The following PLXDC2 variants were observed in gnomAD, a reference collection of about 807,000 sequenced individuals.
PLXDC2 encodes the protein plexin domain containing 2, also known as plexin domain-containing protein 2.
In PLXDC2, 40 loss-of-function variants were observed where a neutral mutation model predicts 68.9. That is an observed-to-expected ratio of 0.58 (90% CI 0.45 to 0.76). The LOEUF (loss-of-function observed/expected upper bound fraction) is 0.76, where lower values mean the gene tolerates loss of function less well. Among genes scored for constraint, PLXDC2 ranks in the 30% least tolerant of loss-of-function variants. PLXDC2 has a pLI of 0.00. For synonymous variants in PLXDC2, 243 were observed against 234.2 expected (o/e 1.04, Z -0.34); for missense variants, 644 against 661.9 (o/e 0.97, Z 0.30).
chr10:19,833,229 C>T (rs114141005), intron 1 of PLXDC2, among the ~76,000 whole-genome samples: 170 of 152,300 alleles, frequency 1.1e-3, no homozygotes, highest in African/African-American at 3.8e-3. Flanking sequence ...ATATCACCTT[C>T]GGTCTAATGA....
chr10:20,227,625 A>T (rs1835303438), intron 12 of PLXDC2, among the ~76,000 whole-genome samples: 1 of 152,144 alleles, frequency 6.6e-6, no homozygotes, highest in African/African-American at 2.4e-5. Flanking sequence ...AAAGTATCAG[A>T]ATAAGTGGAG....
intron 4 of PLXDC2, chr10:20,071,047 T>C (rs1836307647): frequency 6.6e-6 from 1 of 152,252 alleles, no homozygotes. Context: ...AGACACTCCT[T>C]TTGTTTCTCT....
At chr10:19,985,459 T>C (rs1280482708) in intron 1 of PLXDC2, among the ~76,000 whole-genome samples, 1 of 152,216 alleles carries the variant, frequency 6.6e-6, no homozygotes, top group Non-Finnish European at 1.5e-5. Context: ...TTATTTCCAC[T>C]TAGAGAAGTT....
intron 1 of PLXDC2, among the ~76,000 whole-genome samples, chr10:19,977,743 G>C (rs1156785232): frequency 6.6e-6 from 1 of 152,018 alleles, no homozygotes; most frequent in Non-Finnish European, 1.5e-5. Context: ...GGCAGAGGGG[G>C]TGGGGTGGGG....
At chr10:20,122,599 T>A (rs1479730865) in intron 4 of PLXDC2, among the ~76,000 whole-genome samples, 1 of 152,218 alleles carries the variant, frequency 6.6e-6, no homozygotes, top group Non-Finnish European at 1.5e-5. Context: ...CTTGGCCTTG[T>A]GGCCAGATTT....
At chr10:19,831,996 T>G (rs188357539) in intron 1 of PLXDC2, among the ~76,000 whole-genome samples, 22 of 152,328 alleles carry the variant, frequency 1.4e-4, no homozygotes, top group African/African-American at 5.3e-4. Context: ...CATATCATAG[T>G]TTTTGTTAGT....
chr10:19,917,101 A>G (rs557423295), intron 1 of PLXDC2, among the ~76,000 whole-genome samples: 1 of 152,348 alleles, frequency 6.6e-6, no homozygotes, highest in East Asian at 1.9e-4. Flanking sequence ...CAACTCTTCT[A>G]GAAAATTGTG....
chr10:20,039,076 C>T (rs561545745), intron 2 of PLXDC2, among the ~76,000 whole-genome samples: 1 of 152,284 alleles, frequency 6.6e-6, no homozygotes, highest in African/African-American at 2.4e-5. Context: ...GGGACCAAGC[C>T]AGTGAGAACT....
intron 4 of PLXDC2, among the ~76,000 whole-genome samples, chr10:20,072,473 AGAAG>A (rs1836340059): frequency 1.4e-5 from 2 of 144,910 alleles, no homozygotes; most frequent in African/African-American, 2.6e-5. Context: ...AAAGAAAGAA[AGAAG>A]GAACAAAGAA....
At chr10:20,048,115 G>A (rs1835828960) in intron 3 of PLXDC2, among the ~76,000 whole-genome samples, 1 of 152,120 alleles carries the variant, frequency 6.6e-6, no homozygotes, top group African/African-American at 2.4e-5. Flanking sequence ...TATAAACACA[G>A]GACTAATAGA....
chr10:20,131,986 A>G (rs1833873863), intron 4 of PLXDC2, among the ~76,000 whole-genome samples: 1 of 152,104 alleles, frequency 6.6e-6, no homozygotes, highest in Non-Finnish European at 1.5e-5. Context: ...ATTTATTGCT[A>G]TAAACTTACC....
At chr10:20,188,853 T>C (rs1314957739) in intron 9 of PLXDC2, among the ~76,000 whole-genome samples, 1 of 151,778 alleles carries the variant, frequency 6.6e-6, no homozygotes, top group African/African-American at 2.4e-5. Flanking sequence ...GAGTTGATAT[T>C]AAATTATTGC....
At chr10:19,985,498 CAT>C (rs1195099821) in intron 1 of PLXDC2, among the ~76,000 whole-genome samples, 3 of 152,152 alleles carry the variant, frequency 2.0e-5, no homozygotes, top group Non-Finnish European at 2.9e-5. Context: ...TCAGGTATTT[CAT>C]ATGTCTTATT....
At chr10:20,256,749 C>A (rs1463481262) in intron 13 of PLXDC2, among the ~76,000 whole-genome samples, 1 of 151,272 alleles carries the variant, frequency 6.6e-6, no homozygotes, top group Non-Finnish European at 1.5e-5. Flanking sequence ...GGACTTGAAT[C>A]CTGAATATGT....
intron 1 of PLXDC2, among the ~76,000 whole-genome samples, chr10:19,892,989 G>A (rs1358486150): frequency 6.6e-6 from 1 of 150,446 alleles, no homozygotes; most frequent in Non-Finnish European, 1.5e-5. Flanking sequence ...ACTCAAGGCA[G>A]TTCAATTCCA....
chr10:20,262,844 C>T (rs1361217015), intron 13 of PLXDC2, among the ~76,000 whole-genome samples: 1 of 152,236 alleles, frequency 6.6e-6, no homozygotes, highest in Non-Finnish European at 1.5e-5. Context: ...TCCCATATCT[C>T]CTCACCAGGC....
chr10:20,260,196 G>A (rs1281069693), intron 13 of PLXDC2, among the ~76,000 whole-genome samples: 2 of 152,090 alleles, frequency 1.3e-5, no homozygotes, highest in Admixed American at 6.6e-5. Context: ...ATTTTTGTGT[G>A]ATACATGCAC....
chr10:20,220,456 A>G (rs945050971), intron 12 of PLXDC2, among the ~76,000 whole-genome samples: 1 of 152,248 alleles, frequency 6.6e-6, no homozygotes, highest in East Asian at 1.9e-4. Context: ...ATGTATATTT[A>G]TTAGATTTTT....
At chr10:20,074,076 G>C (rs1836391280) in intron 4 of PLXDC2, among the ~76,000 whole-genome samples, 1 of 152,060 alleles carries the variant, frequency 6.6e-6, no homozygotes. Flanking sequence ...ACAGATGGTG[G>C]TTCTTAATTA....
Sources: allele counts gnomAD v4.1 joint callset (sites outside exome capture counted in the v4.1 genomes callset), GRCh38; gene constraint gnomAD v4.1.1; transcripts MANE v1.5; gene names NCBI Gene and HGNC (gene_info 2026-07-23, HGNC 2026-07-21).